Variants in SYNE2 observed in about 807,000 individuals in gnomAD.
SYNE2 encodes spectrin repeat containing nuclear envelope protein 2, also known as nesprin-2.
Under a neutral mutation model 856.3 loss-of-function variants are expected in SYNE2, and 431 were observed. The ratio of observed to expected loss-of-function variants is 0.50; its 90% CI spans 0.47 to 0.55. The LOEUF is 0.55. SYNE2 is among the 20% of genes least tolerant of loss of function. The pLI is 0.00. For synonymous variants in SYNE2, 2,923 were observed against 2,872.3 expected (o/e 1.02, Z -0.56); for missense variants, 8,129 against 8,023.2 (o/e 1.01, Z -0.50).
Position 64,219,338 on chromosome 14 carries a change from G to A in SYNE2, c.19788G>A (p.Glu6596=), listed in dbSNP as rs1451596067. 1.9e-6 allele frequency: 3 copies of A among 1,614,134 alleles called. No homozygotes were observed. Among genetic ancestry groups the A allele is most frequent in the Non-Finnish European group, 2.5e-6 (3 of 1,180,034 alleles). ...CTTGGCTGAAAAAAACTGAAGCAGA[G>A]CTGGAAATGTTAAAGATGGCAAAGC... is the stretch of plus-strand genomic sequence containing the variant. ...ITTWLKKTEA[E]LEMLKMAKPP... Residue 6596 remains glutamate (E), a synonymous_variant, in exon 110 of 116, where the codon GAG becomes GAA. Coordinates refer to ENST00000555002, the MANE Select transcript of SYNE2 (RefSeq NM_182914.3).
At chr14:63,945,798 A>G (rs1237978914) in intron 6 of SYNE2, among the ~76,000 whole-genome samples, 3 of 151,866 alleles carry the variant, frequency 2.0e-5, no homozygotes, top group Non-Finnish European at 2.9e-5. Flanking sequence ...CTAATTCTGT[A>G]TTTTTACTAG....
rs2153495739 is a variant in SYNE2 at position 63,996,947 on chromosome 14, G to A, written c.2941G>A (p.Ala981Thr). 6.2e-7 allele frequency: 1 copy of A among 1,613,880 alleles called. No individual in the cohort carries two copies. The highest frequency in any genetic ancestry group is 8.5e-7 in the Non-Finnish European group (1 of 1,179,928). Reference protein sequence around the residue: ...RTKGLIKEHEACFSEEGCLYQ... With the variant: ...RTKGLIKEHETCFSEEGCLYQ... ...TTTCCTGCTTTATTTCTTCAATTAGGCCTGCTTTTCTGAGGAAGGCTGCCT... is the reference window on the plus strand; with the variant it reads ...TTTCCTGCTTTATTTCTTCAATTAGACCTGCTTTTCTGAGGAAGGCTGCCT... The change falls in exon 24 of 116, where the codon GCC becomes ACC. Residue 981 changes from alanine (A) to threonine (T), a missense_variant and splice_region_variant. Ala to Thr is a moderately conservative substitution (Grantham distance 58). Transcript: ENST00000555002.
chr14:64,177,757 T>G (rs1193453767), intron 96 of SYNE2, among the ~76,000 whole-genome samples: 1 of 152,234 alleles, frequency 6.6e-6, no homozygotes, highest in Non-Finnish European at 1.5e-5. Context: ...TGTCTGCTCC[T>G]CCTCTGTAAT....
chr14:64,225,826 G>A lies in SYNE2; in HGVS notation c.*300G>A, dbSNP rs79269713. ...AAGAGCCAAGCACTTTGTGAATTCT[G>A]GTTTGTTTGTAAAACAGCATTATTA... is the stretch of plus-strand genomic sequence containing the variant. On this transcript the variant is annotated 3_prime_UTR_variant, in exon 116 of 116. Transcript: ENST00000555002. The A allele has an allele frequency of 5.5e-4, 325 of 587,832 alleles. 2 individuals are homozygous for A. The highest frequency in any genetic ancestry group is 5.0e-3 in the African/African-American group (268 of 53,796). 36.4% of individuals were successfully genotyped at this position (587,832 alleles called of 1,614,324 possible). A position where few individuals can be genotyped will look rare whatever the true frequency, so the allele number is the denominator to read the frequency against.
At chr14:64,132,620 G>A (rs561352969) in intron 77 of SYNE2, among the ~76,000 whole-genome samples, 182 bp downstream of exon 77, 1 of 152,278 alleles carries the variant, frequency 6.6e-6, no homozygotes, top group South Asian at 2.1e-4. Flanking sequence ...AGTTGGCTGG[G>A]ATTTCTCATA....
intron 27 of SYNE2, among the ~76,000 whole-genome samples, chr14:63,999,281 C>T (rs1244187562): frequency 6.6e-6 from 1 of 152,186 alleles, no homozygotes; most frequent in Non-Finnish European, 1.5e-5. Context: ...TAATCTGGTA[C>T]TCCAGATATT....
At chr14:64,085,160 C>G (rs1567248099) in intron 57 of SYNE2, 3 of 575,566 alleles carry the variant, frequency 5.2e-6, no homozygotes. Flanking sequence ...GCAGCCTCCA[C>G]CTTCTGAGTT....
chr14:64,135,202 A>G (rs1295592329), intron 78 of SYNE2, among the ~76,000 whole-genome samples: 1 of 152,226 alleles, frequency 6.6e-6, no homozygotes, highest in African/African-American at 2.4e-5. Flanking sequence ...ACTTTAGGAT[A>G]TATGCCGTCA....
At chr14:63,779,250 G>A (rs1376613345) in intron 1 of SYNE2, among the ~76,000 whole-genome samples, 3 of 151,768 alleles carry the variant, frequency 2.0e-5, no homozygotes. Context: ...ACTTGAACCT[G>A]GGAGGCTAAG....
intron 28 of SYNE2, 149 bp downstream of exon 28, chr14:64,000,868 T>G: frequency 2.7e-6 from 2 of 730,646 alleles, no homozygotes; most frequent in East Asian, 5.6e-5. Context: ...TGATTGCATT[T>G]TGCTGATAAG....
chr14:64,149,294 T>C (rs12431638), intron 84 of SYNE2, among the ~76,000 whole-genome samples: 57,433 of 151,786 alleles, frequency 0.38, 11,180 homozygotes, highest in East Asian at 0.51. Flanking sequence ...TAAGACCCCA[T>C]CTCTAAAAAA....
chr14:63,979,290 C>T (rs1377594273), intron 14 of SYNE2, among the ~76,000 whole-genome samples: 2 of 152,070 alleles, frequency 1.3e-5, no homozygotes, highest in Admixed American at 1.3e-4. Flanking sequence ...GGTTTCCATG[C>T]TTTTTTTCAT....
At position 64,026,604 on chromosome 14, in the gene SYNE2, G is replaced by A. The variant is rs1306973645; in HGVS notation, c.6278G>A (p.Gly2093Glu). Residue 2093 changes from glycine (G) to glutamate (E), a missense_variant, in exon 42 of 116, where the codon GGG becomes GAG. Transcript: ENST00000555002. ...IKEIILLKPE[G>E]DARIETIMKQ... is the part of the protein sequence containing the mutation. ...GAAATCATTTTGCTGAAGCCTGAAG[G>A]GGATGCCAGAATAGAGACCATCATG... 2 of 1,613,370 alleles carry A rather than the reference G, an allele frequency of 1.2e-6. No homozygotes were observed. Among genetic ancestry groups the A allele is most frequent in the Non-Finnish European group, 1.7e-6 (2 of 1,179,790 alleles).
intron 85 of SYNE2, among the ~76,000 whole-genome samples, chr14:64,157,074 C>T (rs1482517730): frequency 6.6e-6 from 1 of 152,172 alleles, no homozygotes; most frequent in East Asian, 1.9e-4. Flanking sequence ...CCATTTCAAC[C>T]CAGATCCTTT....
intron 8 of SYNE2, among the ~76,000 whole-genome samples, chr14:63,955,790 A>G (rs1295754234): frequency 2.6e-5 from 4 of 152,228 alleles, no homozygotes; most frequent in Admixed American, 6.5e-5. Context: ...TATAGATTTC[A>G]TATAGCTCCA....
intron 31 of SYNE2, among the ~76,000 whole-genome samples, chr14:64,007,472 C>G (rs980684320): frequency 6.6e-6 from 1 of 152,212 alleles, no homozygotes; most frequent in Non-Finnish European, 1.5e-5. Flanking sequence ...ATGCTCATTA[C>G]CATCCCAACT....
chr14:64,220,476 GTC>G lies in SYNE2; in HGVS notation c.19904_19905del (p.Ser6635CysfsTer22). ...CTTTGACACTTACAAGGCATTAGTG[GTC>G]TCTGTCAACGTGAGCAGCAAGGAAT... ...KAFDTYKALV[V>X]SVNVSSKEFL... On this transcript the variant is annotated frameshift_variant, in exon 111 of 116. Coordinates refer to ENST00000555002, the MANE Select transcript of SYNE2 (RefSeq NM_182914.3). LOFTEE classifies it high-confidence loss of function. 1 of 1,614,200 alleles carries G rather than the reference GTC, an allele frequency of 6.2e-7. No individual in the cohort carries two copies. Among genetic ancestry groups the G allele is most frequent in the Non-Finnish European group, 8.5e-7 (1 of 1,180,040 alleles).
intron 32 of SYNE2, among the ~76,000 whole-genome samples, chr14:64,013,523 C>A (rs1346859443): frequency 1.3e-5 from 2 of 152,134 alleles, no homozygotes; most frequent in Non-Finnish European, 2.9e-5. Flanking sequence ...TTATTCCACT[C>A]CATGCGTCCG....
chr14:63,790,013 T>A (rs529425162), intron 1 of SYNE2, among the ~76,000 whole-genome samples: 29 of 152,250 alleles, frequency 1.9e-4, no homozygotes, highest in African/African-American at 6.0e-4. Context: ...ACCCTCCCTC[T>A]GTAGAATGAG....
Sources: gnomAD v4.1 joint callset for allele counts (sites outside exome capture counted in the v4.1 genomes callset) on GRCh38, gnomAD v4.1.1 for gene constraint, MANE v1.5 for transcripts, NCBI Gene and HGNC (gene_info 2026-07-23, HGNC 2026-07-21) for gene names.